The following COL23A1 variants were observed in gnomAD, a reference collection of about 807,000 sequenced individuals.
The protein encoded by COL23A1 is collagen type XXIII alpha 1 chain.
COL23A1 carries 97 observed loss-of-function variants against 99.3 expected under a neutral mutation model. That is an observed-to-expected ratio of 0.98 (90% CI 0.83 to 1.16). The LOEUF is 1.16. Among genes scored for constraint, COL23A1 ranks in the 50% most tolerant of loss-of-function variants. The probability of loss-of-function intolerance (pLI) is 0.00; values close to 1 mark genes in which losing one functional copy is unlikely to be tolerated. For synonymous variants in COL23A1, 320 were observed against 308.2 expected (o/e 1.04, Z -0.40); for missense variants, 762 against 757.4 (o/e 1.01, Z -0.07).
chr5:178,589,421 G>GCA lies in COL23A1; in HGVS notation c.294+482_294+483insTG. On this transcript the variant is annotated intron_variant, in intron 1 of 28. Coordinates refer to ENST00000390654, the MANE Select transcript of COL23A1 (RefSeq NM_173465.4). The surrounding 1 kb of genome is among the most constrained non-coding windows in gnomAD (Gnocchi z 5.4). ...CTGGAGACACACTGGAGCACAGCGG[G>GCA]GCCCAGCCCTCGGGCCTGTCTGAGG... Among the ~76,000 whole-genome samples, 1 of 120,982 alleles carries GCA rather than the reference G, an allele frequency of 8.3e-6. No individual in the cohort carries two copies. The highest frequency in any genetic ancestry group is 4.1e-4 in the East Asian group (1 of 2,428). 79.4% of individuals were successfully genotyped at this position (120,982 alleles called of 152,430 possible).
In COL23A1 at chr5:178,590,202, C is replaced by A. The variant is rs1299453214; in HGVS notation, c.-5G>T. The A allele has an allele frequency of 3.3e-6, 4 of 1,212,708 alleles. No homozygotes were observed. The highest frequency in any genetic ancestry group is 4.1e-6 in the Non-Finnish European group (4 of 977,584). The allele number at this position is 1,212,708 out of a possible 1,614,324, so 75.1% of individuals were successfully genotyped here. ...GGCGCGCTCGCCTGGGCCCATGGCG[C>A]GTTCGTCGCGCGTGGACTCTCCGAG... On this transcript the variant is annotated 5_prime_UTR_variant, in exon 1 of 29. Coordinates refer to ENST00000390654, the MANE Select transcript of COL23A1 (RefSeq NM_173465.4). This position sits in a 1 kb window ranked among gnomAD's most constrained non-coding sequence, Gnocchi z 5.7.
At chr5:178,572,072 C>CAAAAAACAAAAA (rs1763135254) in intron 1 of COL23A1, among the ~76,000 whole-genome samples, 1 of 109,488 alleles carries the variant, frequency 9.1e-6, no homozygotes, top group Non-Finnish European at 1.8e-5. Context: ...TTTCTCAAAA[C>CAAAAAACAAAAA]AAAAAAAAAA....
chr5:178,368,912 C>CA, intron 2 of COL23A1, among the ~76,000 whole-genome samples: 1 of 152,262 alleles, frequency 6.6e-6, no homozygotes, highest in Non-Finnish European at 1.5e-5. Flanking sequence ...ACCCCGAGGG[C>CA]TGCTCCTCAT....
At chr5:178,245,080 C>CATCCATCCATCCATCCACTCATCATCT (rs1401016012) in intron 25 of COL23A1, among the ~76,000 whole-genome samples, 11 of 78,944 alleles carry the variant, frequency 1.4e-4, no homozygotes, top group African/African-American at 4.5e-4. Flanking sequence ...CATCATCTAT[C>CATCCATCCATCCATCCACTCATCATCT]ATCCATCCAT....
intron 2 of COL23A1, among the ~76,000 whole-genome samples, chr5:178,482,670 G>A (rs1319167324): frequency 6.6e-6 from 1 of 151,880 alleles, no homozygotes; most frequent in Non-Finnish European, 1.5e-5. Flanking sequence ...GAGGAGGGCA[G>A]ATCACGAGGT....
At chr5:178,367,003 T>TCAAAATTCA (rs1762518992) in intron 2 of COL23A1, among the ~76,000 whole-genome samples, 1 of 152,164 alleles carries the variant, frequency 6.6e-6, no homozygotes, top group South Asian at 2.1e-4. Context: ...TGGTGCGTGT[T>TCAAAATTCA]TGTTGAAACT....
chr5:178,490,300 A>AG (rs1260460100), intron 2 of COL23A1, among the ~76,000 whole-genome samples: 1 of 152,168 alleles, frequency 6.6e-6, no homozygotes, highest in Non-Finnish European at 1.5e-5. Flanking sequence ...ATGCTACTCC[A>AG]TGGAGAAACT....
intron 2 of COL23A1, among the ~76,000 whole-genome samples, chr5:178,377,164 G>A (rs1181984195): frequency 2.6e-5 from 4 of 152,198 alleles, no homozygotes; most frequent in Non-Finnish European, 4.4e-5. Context: ...AGTGGGCAGC[G>A]GGTAGGAACC....
Position 178,294,413 on chromosome 5 carries a change from TCCCAAATCACTACCCAGCTCCCTC to T in COL23A1, c.407-4068_407-4045del, listed in dbSNP as rs1192013698. On this transcript the variant is annotated intron_variant, in intron 3 of 28. Transcript: ENST00000390654. ...CTCCCCAAATCACTACCGAGCTCCC[TCCCAAATCACTACCCAGCTCCCTC>T]CCCAAATCACTACCGAGCTCCCTCC... Among the ~76,000 whole-genome samples the T allele has an allele frequency of 9.8e-4, 15 of 15,370 alleles. 3 individuals carry two copies. The highest frequency in any genetic ancestry group is 3.7e-3 in the African/African-American group (15 of 4,108). 10.1% of individuals were successfully genotyped at this position (15,370 alleles called of 152,430 possible). A position where few individuals can be genotyped will look rare whatever the true frequency, so the allele number is the denominator to read the frequency against.
rs547267454 is a variant in COL23A1, at chr5:178,429,714, G to A, written c.362-122795C>T. ...CCCCCAGCTCATTTTCCACATTGAC[G>A]CCAGAGGGATCTGAGCACATGGCCC... On this transcript the variant is annotated intron_variant, in intron 2 of 28. Coordinates refer to ENST00000390654, the MANE Select transcript of COL23A1 (RefSeq NM_173465.4). Among the ~76,000 whole-genome samples, 15 of 147,714 alleles carry A rather than the reference G, an allele frequency of 1.0e-4. No individual in the cohort carries two copies. In the East Asian group the frequency reaches 1.9e-3, roughly 19 times the overall value.
In COL23A1 at chr5:178,287,861, T is replaced by C. The variant is rs552815576; in HGVS notation, c.441+463A>G. Among the ~76,000 whole-genome samples the C allele has an allele frequency of 9.2e-5, 14 of 152,352 alleles. No individual in the cohort carries two copies. In the South Asian group the frequency reaches 2.5e-3, roughly 27 times the overall value. ...GGGGCTAGGACATCTATCCCAGGAATGCGCTAGCTTTTGGGTTAATTTTAA... is the reference window on the plus strand; with the variant it reads ...GGGGCTAGGACATCTATCCCAGGAACGCGCTAGCTTTTGGGTTAATTTTAA... On this transcript the variant is annotated intron_variant, in intron 5 of 28. Transcript: ENST00000390654.
chr5:178,274,012 C>A (rs1399544563), intron 5 of COL23A1, among the ~76,000 whole-genome samples: 3 of 152,210 alleles, frequency 2.0e-5, no homozygotes. Context: ...ACTGGTGTCC[C>A]ACAGCACACT....
chr5:178,330,105 G>C (rs749321871), intron 2 of COL23A1, among the ~76,000 whole-genome samples: 9 of 152,156 alleles, frequency 5.9e-5, no homozygotes, highest in African/African-American at 9.6e-5. Flanking sequence ...GAGTATTCAG[G>C]GGGGAGAGAT....
chr5:178,342,501 A>G (rs1056143104), intron 2 of COL23A1, among the ~76,000 whole-genome samples: 1 of 152,122 alleles, frequency 6.6e-6, no homozygotes, highest in African/African-American at 2.4e-5. Context: ...CTGGGCGGAG[A>G]CACAGGCTGC....
intron 2 of COL23A1, among the ~76,000 whole-genome samples, chr5:178,392,183 T>A (rs1764003790): frequency 2.0e-5 from 3 of 151,492 alleles, no homozygotes; most frequent in African/African-American, 7.3e-5. Context: ...GTTGCACTAC[T>A]CTGTGAGTAT....
chr5:178,560,909 G>A (rs1446725735), intron 1 of COL23A1, among the ~76,000 whole-genome samples, 161 bp from the exon 2 acceptor site: 1 of 152,226 alleles, frequency 6.6e-6, no homozygotes, highest in African/African-American at 2.4e-5. Flanking sequence ...AAACTCTACA[G>A]GGAATTTTAG....
chr5:178,557,200 C>G (rs1461102080), intron 2 of COL23A1, among the ~76,000 whole-genome samples: 1 of 152,188 alleles, frequency 6.6e-6, no homozygotes, highest in African/African-American at 2.4e-5. Flanking sequence ...ACCTAGCCCT[C>G]TGGTCTGTGC....
intron 2 of COL23A1, among the ~76,000 whole-genome samples, chr5:178,400,788 C>A (rs1006701340): frequency 6.6e-6 from 1 of 152,170 alleles, no homozygotes; most frequent in South Asian, 2.1e-4. Context: ...CAGGCACCTG[C>A]CACTACGCCC....
chr5:178,520,577 A>G (rs1212630867), intron 2 of COL23A1, among the ~76,000 whole-genome samples: 1 of 152,214 alleles, frequency 6.6e-6, no homozygotes, highest in African/African-American at 2.4e-5. Context: ...AATGAGACAA[A>G]GCAGACAGGA....
Sources: gnomAD v4.1 joint callset for allele counts (sites outside exome capture counted in the v4.1 genomes callset) on GRCh38, gnomAD v4.1.1 for gene constraint, Gnocchi (gnomAD v3.1) non-coding constraint, MANE v1.5 for transcripts, NCBI Gene and HGNC (gene_info 2026-07-23, HGNC 2026-07-21) for gene names.